The following ART4 variants were observed in gnomAD, a reference collection of about 807,000 sequenced individuals.
The protein encoded by ART4 is ADP-ribosyltransferase 4 (inactive) (Dombrock blood group).
ART4 carries 14 observed loss-of-function variants against 24.2 expected under a neutral mutation model. The observed-to-expected ratio is 0.58, with a 90% CI of 0.38 to 0.90. ART4 has a LOEUF of 0.90. ART4 is among the 40% of genes least tolerant of loss of function. ART4 has a pLI of 0.00. For missense variants in ART4, 356 were observed against 366.6 expected (o/e 0.97, Z 0.24); for synonymous variants, 145 against 139.9 (o/e 1.04, Z -0.26).
In ART4 at chr12:14,826,327, G is replaced by C. The variant is rs1358171983; in HGVS notation, c.*3044C>G. On this transcript the variant is annotated 3_prime_UTR_variant, in exon 3 of 3. Coordinates refer to ENST00000228936, the MANE Select transcript of ART4 (RefSeq NM_021071.4). ...CAGAGATTTGATCTGTAAAACAGCA[G>C]CAGGAGTTAGAACTAAGTTATCTTT... 1.3e-5 allele frequency: 2 copies of C among 152,188 alleles called. No individual in the cohort carries two copies. The highest frequency in any genetic ancestry group is 2.9e-5 in the Non-Finnish European group (2 of 68,030). 9.4% of individuals were successfully genotyped at this position (152,188 alleles called of 1,614,324 possible). A position where few individuals can be genotyped will look rare whatever the true frequency, so the allele number is the denominator to read the frequency against.
At chr12:14,830,715 TA>T (rs1197380782) in intron 2 of ART4, among the ~76,000 whole-genome samples, 2 of 130,952 alleles carry the variant, frequency 1.5e-5, no homozygotes, top group Non-Finnish European at 3.2e-5. Flanking sequence ...ATTTCTGTCT[TA>T]TTTTTTTGAG....
chr12:14,831,897 G>T (rs10772807), intron 2 of ART4, among the ~76,000 whole-genome samples: 49,397 of 151,718 alleles, frequency 0.33, 8,829 homozygotes, highest in Non-Finnish European at 0.39. Flanking sequence ...CATCCTTTCA[G>T]TTACTCTAGC....
intron 2 of ART4, 42 bp from the exon 3 acceptor site, chr12:14,829,504 T>A (rs1208965928): frequency 6.8e-7 from 1 of 1,471,724 alleles, no homozygotes; most frequent in Non-Finnish European, 9.4e-7. Context: ...GGTAGCAGAG[T>A]TTTTTTTAAA....
Position 14,829,376 on chromosome 12 carries a change from C to T in ART4, c.940G>A (p.Val314Ile), listed in dbSNP as rs770228669. Reference sequence around the variant, plus strand: ...AAAGGAGCCACAAGATTTCTTTATACTCTGCTTTTGGAAAAGATGATGACA... The same window carrying T: ...AAAGGAGCCACAAGATTTCTTTATATTCTGCTTTTGGAAAAGATGATGACA... ...TSVIIFSKSRV is the reference protein window; with the variant it reads ...TSVIIFSKSRI The change falls in exon 3 of 3, where the codon GTA becomes ATA. Residue 314 changes from valine to isoleucine, a missense_variant. Physicochemically the swap from Val to Ile is conservative, Grantham distance 29 (BLOSUM62 3). Coordinates refer to ENST00000228936, the MANE Select transcript of ART4 (RefSeq NM_021071.4). The T allele has an allele frequency of 1.3e-6, 2 of 1,585,196 alleles. No homozygotes were observed. Among genetic ancestry groups the T allele is most frequent in the Non-Finnish European group, 1.7e-6 (2 of 1,166,260 alleles).
At chr12:14,837,696 G>A (rs1022681591) in intron 2 of ART4, among the ~76,000 whole-genome samples, 2 of 152,004 alleles carry the variant, frequency 1.3e-5, no homozygotes, top group African/African-American at 4.8e-5. Context: ...GTATCTTTTT[G>A]TAGAGACGAG....
At chr12:14,834,316 A>G (rs1222775802) in intron 2 of ART4, among the ~76,000 whole-genome samples, 1 of 152,220 alleles carries the variant, frequency 6.6e-6, no homozygotes, top group Non-Finnish European at 1.5e-5. Flanking sequence ...AACTAATTTT[A>G]GATAATTGAA....
rs1344115664 is a variant in ART4 at position 14,826,258 on chromosome 12, A to G, written c.*3113T>C. ...GAGCTATGTACATTTATCCTTAACC[A>G]AACTCATGAATCTACATAATTTTAA... On this transcript the variant is annotated 3_prime_UTR_variant, in exon 3 of 3. Coordinates refer to ENST00000228936, the MANE Select transcript of ART4 (RefSeq NM_021071.4). 6.6e-6 allele frequency: 1 copy of G among 152,248 alleles called. No homozygotes were observed. Among genetic ancestry groups the G allele is most frequent in the Non-Finnish European group, 1.5e-5 (1 of 68,036 alleles). The allele number at this position is 152,248 out of a possible 1,614,324, so 9.4% of individuals were successfully genotyped here.
At position 14,832,098 on chromosome 12, in the gene ART4, C is replaced by T. The variant is rs182267897; in HGVS notation, c.854-2636G>A. ...TTACCTCATTACAGTTTATCCTCTA[C>T]TGGGCTGCTAGGTCAGTTTTGACAC... On this transcript the variant is annotated intron_variant, in intron 2 of 2. Transcript: ENST00000228936. 5.7e-4 allele frequency among the ~76,000 whole-genome samples: 87 copies of T among 152,240 alleles called. 1 individual carries two copies. Among genetic ancestry groups the T allele is most frequent in the Admixed American group, 4.8e-3 (74 of 15,300 alleles).
chr12:14,830,442 T>C (rs2137297307), intron 2 of ART4, among the ~76,000 whole-genome samples: 1 of 151,272 alleles, frequency 6.6e-6, no homozygotes, highest in East Asian at 2.0e-4. Flanking sequence ...TTTGCTCATA[T>C]TGTTTGATAG....
Position 14,841,095 on chromosome 12 carries a change from C to A in ART4, c.203G>T (p.Gly68Val), listed in dbSNP as rs752932674. The A allele has an allele frequency of 1.4e-5, 22 of 1,611,152 alleles. 1 individual carries two copies. The South Asian group carries it at 2.4e-4, about 18-fold the overall frequency. Residue 68 changes from glycine (G) to valine (V), a missense_variant, in exon 2 of 3, where the codon GGC becomes GTC. Gly to Val is a moderately radical substitution (Grantham distance 109, BLOSUM62 -3). Transcript: ENST00000228936. The part of the protein sequence containing the change: ...APGSFDDQYQ[G>V]CSKQVMEKLT... ...TTTCTCCATAACCTGTTTGCTACAG[C>A]CTTGGTACTGATCATCAAAAGAACC...
In ART4 at chr12:14,843,006, G is replaced by T. The variant is rs775362821; in HGVS notation, c.108C>A (p.Leu36=). 1.2e-6 allele frequency: 2 copies of T among 1,613,906 alleles called. No homozygotes were observed. Among genetic ancestry groups the T allele is most frequent in the Non-Finnish European group, 8.5e-7 (1 of 1,179,948 alleles). The change falls in exon 1 of 3, where the codon CTC becomes CTA. Residue 36 remains leucine, a synonymous_variant. Coordinates refer to ENST00000228936, the MANE Select transcript of ART4 (RefSeq NM_021071.4). The part of the protein sequence containing the change: ...LLGGLLPFLL[L]LSGLQRPTEG... ...CTGTGGGTCTCTGCAGGCCAGAGAG[G>T]AGCAGCAGGAATGGCAGCAGGCCTC...
chr12:14,839,716 T>G (rs961686448), intron 2 of ART4, among the ~76,000 whole-genome samples: 2 of 152,208 alleles, frequency 1.3e-5, no homozygotes, highest in African/African-American at 4.8e-5. Context: ...GAGATTAAGC[T>G]TCCAACACAG....
At chr12:14,832,885 T>C (rs896366440) in intron 2 of ART4, among the ~76,000 whole-genome samples, 12 of 152,204 alleles carry the variant, frequency 7.9e-5, no homozygotes, top group African/African-American at 2.2e-4. Flanking sequence ...TTTATGGCCA[T>C]TATCATTTCT....
In ART4 at chr12:14,828,828, TCTTC is replaced by T. The variant is rs1307536702; in HGVS notation, c.*539_*542del. 1 of 152,262 alleles carries T rather than the reference TCTTC, an allele frequency of 6.6e-6. No homozygotes were observed. Among genetic ancestry groups the T allele is most frequent in the Non-Finnish European group, 1.5e-5 (1 of 68,108 alleles). 9.4% of individuals were successfully genotyped at this position (152,262 alleles called of 1,614,324 possible). A position where few individuals can be genotyped will look rare whatever the true frequency, so the allele number is the denominator to read the frequency against. ...TCTCAGTTTCTTTTCACTTATCAGC[TCTTC>T]CTTTGTTGTGTTAGATCCTTTCTCA... On this transcript the variant is annotated 3_prime_UTR_variant, in exon 3 of 3. Coordinates refer to ENST00000228936, the MANE Select transcript of ART4 (RefSeq NM_021071.4).
rs1490601773 is a variant in ART4 at position 14,825,905 on chromosome 12, A to G, written c.*3466T>C. The G allele has an allele frequency of 1.3e-5, 2 of 152,228 alleles. No homozygotes were observed. Among genetic ancestry groups the G allele is most frequent in the South Asian group, 2.1e-4 (1 of 4,832 alleles). The allele number at this position is 152,228 out of a possible 1,614,324, so 9.4% of individuals were successfully genotyped here. On this transcript the variant is annotated 3_prime_UTR_variant, in exon 3 of 3. Coordinates refer to ENST00000228936, the MANE Select transcript of ART4 (RefSeq NM_021071.4). ...TACTTTTTAAATTTTTCCTGTTTCA[A>G]TCAGCTTCTTCAGATTAAACAGTAT...
chr12:14,829,681 T>C (rs1950381266), intron 2 of ART4, among the ~76,000 whole-genome samples: 2 of 152,186 alleles, frequency 1.3e-5, no homozygotes, highest in South Asian at 4.1e-4. Context: ...TACTCCCAGG[T>C]AACCCAGCCA....
At chr12:14,840,021 C>T (rs188399002) in intron 2 of ART4, among the ~76,000 whole-genome samples, 99 of 152,134 alleles carry the variant, frequency 6.5e-4, no homozygotes, top group African/African-American at 2.1e-3. Context: ...TCTGTATTTC[C>T]AGGGCCCCCA....
At chr12:14,830,119 A>AGTGT (rs113436435) in intron 2 of ART4, among the ~76,000 whole-genome samples, 20,209 of 145,570 alleles carry the variant, frequency 0.14, 1,486 homozygotes, top group South Asian at 0.23. Context: ...TCCTGTTTGG[A>AGTGT]GTGTGTGTGT....
At chr12:14,830,536 A>T (rs1241668017) in intron 2 of ART4, among the ~76,000 whole-genome samples, 4 of 124,198 alleles carry the variant, frequency 3.2e-5, no homozygotes, top group East Asian at 2.8e-4. Flanking sequence ...TCTATATAGG[A>T]GTGTGTGTGT....
Sources: gnomAD v4.1 joint callset for allele counts (sites outside exome capture counted in the v4.1 genomes callset) on GRCh38, gnomAD v4.1.1 for gene constraint, MANE v1.5 for transcripts, NCBI Gene and HGNC (gene_info 2026-07-23, HGNC 2026-07-21) for gene names.